The following AFAP1 variants were observed in gnomAD, a reference collection of about 807,000 sequenced individuals.
AFAP1 encodes actin filament-associated protein 1.
AFAP1 carries 75 observed loss-of-function variants against 93.9 expected under a neutral mutation model. The ratio of observed to expected loss-of-function variants is 0.80; its 90% CI spans 0.66 to 0.97. The LOEUF (loss-of-function observed/expected upper bound fraction) is 0.97. AFAP1 is among the 50% of genes least tolerant of loss of function. AFAP1 has a pLI of 0.00. For synonymous variants in AFAP1, 517 were observed against 430.7 expected (o/e 1.20, Z -2.48); for missense variants, 1,201 against 1,050.8 (o/e 1.14, Z -1.98).
chr4:7,781,356 T>A lies in AFAP1; in HGVS notation c.1782+20A>T. 6.5e-7 allele frequency: 1 copy of A among 1,550,234 alleles called. No individual in the cohort carries two copies. Among genetic ancestry groups the A allele is most frequent in the African/African-American group, 1.4e-5 (1 of 73,098 alleles). The stretch of plus-strand genomic sequence containing the variant: ...TGACTTGAAGGTGGTTCTAGAATCT[T>A]ACAGAAGAAGATGCCGTACCTGCGA... On this transcript the variant is annotated intron_variant, in intron 13 of 17. Coordinates refer to ENST00000420658, the MANE Select transcript of AFAP1 (RefSeq NM_001134647.2).
At chr4:7,820,119 C>A (rs1351698871) in intron 6 of AFAP1, among the ~76,000 whole-genome samples, 1 of 152,108 alleles carries the variant, frequency 6.6e-6, no homozygotes, top group Non-Finnish European at 1.5e-5. Context: ...GCTGGAGTGA[C>A]CCCACTGAAG....
chr4:7,928,777 C>T (rs1428818006), intron 1 of AFAP1, among the ~76,000 whole-genome samples: 1 of 152,230 alleles, frequency 6.6e-6, no homozygotes, highest in Non-Finnish European at 1.5e-5. Flanking sequence ...CACACACATA[C>T]AAAGCACTTC....
chr4:7,937,853 T>G (rs1004475903), intron 1 of AFAP1, among the ~76,000 whole-genome samples: 3 of 152,286 alleles, frequency 2.0e-5, no homozygotes, highest in East Asian at 3.9e-4. Flanking sequence ...TAGAAAAAGA[T>G]TAATCTAAAA....
chr4:7,800,484 C>G lies in AFAP1; in HGVS notation c.1224G>C (p.Thr408=), dbSNP rs557744197. 1 of 1,614,208 alleles carries G rather than the reference C, an allele frequency of 6.2e-7. No individual in the cohort carries two copies. Among genetic ancestry groups the G allele is most frequent in the Non-Finnish European group, 8.5e-7 (1 of 1,180,036 alleles). The part of the protein sequence containing the change: ...IPGLDSKHPL[T]FRLLRNGQEV... ...CCTGGCCGTTGCGCAGCAGCCGGAACGTCAGAGGATGTTTAGAATCCAAAC... is the reference window on the plus strand; with the variant it reads ...CCTGGCCGTTGCGCAGCAGCCGGAAGGTCAGAGGATGTTTAGAATCCAAAC... Residue 408 remains threonine, a synonymous_variant, in exon 10 of 18, where the codon ACG becomes ACC. Coordinates refer to ENST00000420658, the MANE Select transcript of AFAP1 (RefSeq NM_001134647.2).
chr4:7,908,193 C>A (rs1487100575), intron 1 of AFAP1, among the ~76,000 whole-genome samples: 1 of 151,396 alleles, frequency 6.6e-6, no homozygotes, highest in Non-Finnish European at 1.5e-5. Context: ...GCCTGGGCGA[C>A]AGAGCAAGAC....
chr4:7,884,581 A>G (rs922638382), intron 1 of AFAP1, among the ~76,000 whole-genome samples: 1 of 152,226 alleles, frequency 6.6e-6, no homozygotes, highest in Admixed American at 6.5e-5. Flanking sequence ...ACACAGAAAT[A>G]TAAGAAAAAT....
chr4:7,871,729 C>T (rs527617698), intron 2 of AFAP1, among the ~76,000 whole-genome samples: 2 of 152,138 alleles, frequency 1.3e-5, no homozygotes, highest in South Asian at 2.1e-4. Context: ...CTGAGGACTC[C>T]CAAAACACGA....
intron 1 of AFAP1, among the ~76,000 whole-genome samples, chr4:7,910,733 C>G (rs940251892): frequency 6.6e-6 from 1 of 152,234 alleles, no homozygotes; most frequent in Non-Finnish European, 1.5e-5. Flanking sequence ...CCACTCACTG[C>G]GAGCCTACTA....
intron 13 of AFAP1, among the ~76,000 whole-genome samples, chr4:7,779,418 GA>G (rs1435494873): frequency 6.6e-6 from 1 of 152,170 alleles, no homozygotes; most frequent in African/African-American, 2.4e-5. Flanking sequence ...CAACACTATG[GA>G]AACTGAACTT....
intron 3 of AFAP1, among the ~76,000 whole-genome samples, chr4:7,859,119 T>C (rs1264133781): frequency 6.6e-6 from 1 of 152,172 alleles, no homozygotes; most frequent in East Asian, 1.9e-4. Context: ...AAACACAAGC[T>C]AAGGCAACAA....
intron 1 of AFAP1, among the ~76,000 whole-genome samples, chr4:7,938,310 G>A (rs1256402029): frequency 3.3e-5 from 5 of 152,212 alleles, no homozygotes; most frequent in East Asian, 1.9e-4. Flanking sequence ...TGTTCAGAAA[G>A]AACTTCAGGT....
At chr4:7,894,566 C>G (rs1273470155) in intron 1 of AFAP1, among the ~76,000 whole-genome samples, 1 of 152,108 alleles carries the variant, frequency 6.6e-6, no homozygotes. Context: ...TGAAGGGTGA[C>G]CATGCTCCTT....
rs1203364453 is a variant in AFAP1 at position 7,918,583 on chromosome 4, G to A, written c.-3+21073C>T. 3.0e-5 allele frequency among the ~76,000 whole-genome samples: 4 copies of A among 132,370 alleles called. No homozygotes were observed. In the Admixed American group the frequency reaches 3.2e-4, roughly 11 times the overall value. The allele number at this position is 132,370 out of a possible 152,430, so 86.8% of individuals were successfully genotyped here. ...ATGAGACACTCGGCCCAGATCACCC[G>A]CAAACAGGGCTGCCGGAAGAGACAC... On this transcript the variant is annotated intron_variant, in intron 1 of 17. Coordinates refer to ENST00000420658, the MANE Select transcript of AFAP1 (RefSeq NM_001134647.2).
intron 1 of AFAP1, among the ~76,000 whole-genome samples, chr4:7,919,960 G>A (rs1452555825): frequency 3.2e-4 from 49 of 152,108 alleles, no homozygotes; most frequent in Admixed American, 3.0e-3. Context: ...CCATGTCCCT[G>A]CAAAGGACAT....
chr4:7,891,644 T>C (rs965124345), intron 1 of AFAP1, among the ~76,000 whole-genome samples: 2 of 151,028 alleles, frequency 1.3e-5, no homozygotes. Flanking sequence ...AAAGCTGTGT[T>C]ACATCTTGAT....
chr4:7,884,159 C>T (rs558525194), intron 1 of AFAP1, among the ~76,000 whole-genome samples: 1 of 152,276 alleles, frequency 6.6e-6, no homozygotes, highest in Non-Finnish European at 1.5e-5. Flanking sequence ...ACACCTGCTC[C>T]CCCCTTCACC....
chr4:7,828,125 T>A (rs1721596164), intron 6 of AFAP1, among the ~76,000 whole-genome samples: 1 of 152,128 alleles, frequency 6.6e-6, no homozygotes, highest in South Asian at 2.1e-4. Context: ...GTAAACATAT[T>A]GTGGTTCTTC....
At chr4:7,846,847 A>AT (rs1386721821) in intron 4 of AFAP1, among the ~76,000 whole-genome samples, 2 of 152,228 alleles carry the variant, frequency 1.3e-5, no homozygotes, top group African/African-American at 4.8e-5. Context: ...AAAAGGAAGA[A>AT]TGAGTCTCGA....
chr4:7,783,067 G>C (rs1716927210), intron 12 of AFAP1, among the ~76,000 whole-genome samples: 1 of 152,186 alleles, frequency 6.6e-6, no homozygotes, highest in African/African-American at 2.4e-5. Context: ...CTTAGTCTAA[G>C]CATCAGGGGG....
Sources: allele counts gnomAD v4.1 joint callset (sites outside exome capture counted in the v4.1 genomes callset), GRCh38; gene constraint gnomAD v4.1.1; transcripts MANE v1.5; gene names NCBI Gene and HGNC (gene_info 2026-07-23, HGNC 2026-07-21).